Variants in TARDBP observed in about 807,000 individuals in gnomAD.
TARDBP encodes the protein TAR DNA-binding protein 43.
In TARDBP, 4 loss-of-function variants were observed where a neutral mutation model predicts 38.3. The ratio of observed to expected loss-of-function variants is 0.10; its 90% CI spans 0.05 to 0.24. The LOEUF is 0.24. Among genes scored for constraint, TARDBP ranks in the 10% least tolerant of loss-of-function variants. The probability of loss-of-function intolerance (pLI) is 1.00; values close to 1 mark genes in which losing one functional copy is unlikely to be tolerated. For missense variants in TARDBP, 202 were observed against 521.9 expected (o/e 0.39, Z 5.97); for synonymous variants, 184 against 183.8 (o/e 1.00, Z -0.01).
intron 4 of TARDBP, chr1:11,019,300 C>T (rs146052744): frequency 1.7e-4 from 52 of 312,920 alleles, no homozygotes; most frequent in African/African-American, 1.0e-3. Context: ...TTAATTTTCT[C>T]AAATCCAAAC....
intron 3 of TARDBP, among the ~76,000 whole-genome samples, chr1:11,017,500 C>T (rs966720625): frequency 3.9e-5 from 6 of 152,196 alleles, no homozygotes; most frequent in Admixed American, 2.6e-4. Context: ...CGCGCCCGGC[C>T]ACATTCTTGT....
At chr1:11,026,233 C>T (rs1439268942), downstream of TARDBP, 1 of 152,426 alleles carries the variant, frequency 6.6e-6, no homozygotes, top group East Asian at 1.9e-4. Flanking sequence ...TGGCCTGCCA[C>T]CCTCCCTGAA....
intron 1 of TARDBP, among the ~76,000 whole-genome samples, chr1:11,013,361 A>C (rs912053100): frequency 6.6e-6 from 1 of 152,314 alleles, no homozygotes; most frequent in Non-Finnish European, 1.5e-5. Context: ...CTTCAGGATT[A>C]CTTAACGACT....
rs574318935 is a variant in TARDBP, at chr1:11,020,317, A to C, written c.544-112A>C. ...AAAATTAAGGGTACGTCTACTTTTT[A>C]ATGGTTCACTGCTATCCAAGGCGAA... On this transcript the variant is annotated intron_variant, in intron 4 of 5. Coordinates refer to ENST00000240185, the MANE Select transcript of TARDBP (RefSeq NM_007375.4). 8.3e-5 allele frequency: 108 copies of C among 1,296,574 alleles called. 1 individual carries two copies. In the South Asian group the frequency reaches 1.0e-3, roughly 12 times the overall value. The allele number at this position is 1,296,574 out of a possible 1,614,324, so 80.3% of individuals were successfully genotyped here. A position where few individuals can be genotyped will look rare whatever the true frequency, so the allele number is the denominator to read the frequency against.
downstream of TARDBP, chr1:11,030,444 T>G: frequency 3.4e-6 from 2 of 589,342 alleles, no homozygotes; most frequent in Middle Eastern, 4.1e-4. Flanking sequence ...GGAAACCTTT[T>G]AGATGTGTAA....
At chr1:11,014,198 G>T (rs1403520948) in intron 2 of TARDBP, among the ~76,000 whole-genome samples, 1 of 152,174 alleles carries the variant, frequency 6.6e-6, no homozygotes, top group East Asian at 1.9e-4. Context: ...AATAAACTTT[G>T]CCAAGTTGAT....
At position 11,019,855 on chromosome 1, in the gene TARDBP, C is replaced by T. The variant is rs547748328; in HGVS notation, c.544-574C>T. ...TGCTGGGATTACAGGTGTGAGCCAC[C>T]GCACCTGGCCCTTTTTTTTTTTTTT... On this transcript the variant is annotated intron_variant, in intron 4 of 5. Coordinates refer to ENST00000240185, the MANE Select transcript of TARDBP (RefSeq NM_007375.4). 6.6e-5 allele frequency among the ~76,000 whole-genome samples: 10 copies of T among 150,788 alleles called. No individual in the cohort carries two copies. In the East Asian group the frequency reaches 9.8e-4, roughly 15 times the overall value.
rs1405881227 is a variant in TARDBP, at chr1:11,023,151, T to C, written c.*497T>C. The C allele has an allele frequency of 1.9e-5, 29 of 1,547,236 alleles. No individual in the cohort carries two copies. The highest frequency in any genetic ancestry group is 2.2e-5 in the Non-Finnish European group (25 of 1,144,628). On this transcript the variant is annotated 3_prime_UTR_variant, in exon 6 of 6. Coordinates refer to ENST00000240185, the MANE Select transcript of TARDBP (RefSeq NM_007375.4). Reference sequence around the variant, plus strand: ...GTTTTTTAACACTTGTCTCCCCTCATACACAAAAGTACAATATGAAGCCTT... The same window carrying C: ...GTTTTTTAACACTTGTCTCCCCTCACACACAAAAGTACAATATGAAGCCTT...
At chr1:11,014,025 C>T (rs1643466930) in intron 2 of TARDBP, 60 bp downstream of exon 2, 1 of 1,528,872 alleles carries the variant, frequency 6.5e-7, no homozygotes, top group South Asian at 1.1e-5. Context: ...GTGTCTCATC[C>T]ATGGATCTTA....
Position 11,023,087 on chromosome 1 carries a change from A to G in TARDBP, c.*433A>G, listed in dbSNP as rs1643672365. On this transcript the variant is annotated 3_prime_UTR_variant, in exon 6 of 6. Transcript: ENST00000240185. ...TTTTTCCTTAAGAAAATCTCCTTTT[A>G]GGAGATCATGGTGTCACAGTGTTTG... is the stretch of plus-strand genomic sequence containing the variant. 6.7e-7 allele frequency: 1 copy of G among 1,496,924 alleles called. No homozygotes were observed. The highest frequency in any genetic ancestry group is 8.9e-7 in the Non-Finnish European group (1 of 1,119,106). The allele number at this position is 1,496,924 out of a possible 1,614,324, so 92.7% of individuals were successfully genotyped here.
In TARDBP at chr1:11,014,288, T is replaced by G. The variant is rs543258235; in HGVS notation, c.238+323T>G. Reference sequence around the variant, plus strand: ...AGATTCTTCTGAAGTGCTTCAGTGTTTGGATTTGATCATTGTCCTTTTGGT... The same window carrying G: ...AGATTCTTCTGAAGTGCTTCAGTGTGTGGATTTGATCATTGTCCTTTTGGT... On this transcript the variant is annotated intron_variant, in intron 2 of 5. Transcript: ENST00000240185. Among the ~76,000 whole-genome samples, 14 of 152,376 alleles carry G rather than the reference T, an allele frequency of 9.2e-5. No homozygotes were observed. In the East Asian group the frequency reaches 2.3e-3, roughly 25 times the overall value.
At chr1:11,017,815 AGGT>A (rs1385636288) in intron 3 of TARDBP, among the ~76,000 whole-genome samples, 1 of 151,836 alleles carries the variant, frequency 6.6e-6, no homozygotes, top group Non-Finnish European at 1.5e-5. Flanking sequence ...TGGGAGGCTG[AGGT>A]GGGAGGGTTG....
chr1:11,027,426 G>C, downstream of TARDBP: 2 of 1,614,192 alleles, frequency 1.2e-6, no homozygotes, highest in Non-Finnish European at 1.7e-6. Flanking sequence ...TGTATAATGA[G>C]GTGATAGTCT....
At chr1:11,026,885 T>G, downstream of TARDBP, 1 of 1,476,226 alleles carries the variant, frequency 6.8e-7, no homozygotes, top group Non-Finnish European at 9.0e-7. Flanking sequence ...GACACGCAAG[T>G]TAAAAATCAC....
Position 11,022,020 on chromosome 1 carries a change from C to G in TARDBP, c.715-104C>G. 2 of 1,378,266 alleles carry G rather than the reference C, an allele frequency of 1.5e-6. No homozygotes were observed. The highest frequency in any genetic ancestry group is 2.0e-6 in the Non-Finnish European group (2 of 981,432). The allele number at this position is 1,378,266 out of a possible 1,614,324, so 85.4% of individuals were successfully genotyped here. A position where few individuals can be genotyped will look rare whatever the true frequency, so the allele number is the denominator to read the frequency against. Reference sequence around the variant, plus strand: ...TGAGTGTTCATTGCTTATTTTTCCTCTGGCTTTAGATAAATTAATGCTTGT... The same window carrying G: ...TGAGTGTTCATTGCTTATTTTTCCTGTGGCTTTAGATAAATTAATGCTTGT... On this transcript the variant is annotated intron_variant, in intron 5 of 5. Coordinates refer to ENST00000240185, the MANE Select transcript of TARDBP (RefSeq NM_007375.4). This position sits in a 1 kb window ranked among gnomAD's most constrained non-coding sequence, Gnocchi z 4.5.
chr1:11,016,707 T>C (rs1643532302), intron 2 of TARDBP, 137 bp from the exon 3 acceptor site: 1 of 858,610 alleles, frequency 1.2e-6, no homozygotes, highest in South Asian at 1.7e-5. Flanking sequence ...AGAGCAAACA[T>C]CACTTCTTGC....
At position 11,023,432 on chromosome 1, in the gene TARDBP, GAA is replaced by G; in HGVS notation, c.*780_*781del. On this transcript the variant is annotated 3_prime_UTR_variant, in exon 6 of 6. Coordinates refer to ENST00000240185, the MANE Select transcript of TARDBP (RefSeq NM_007375.4). ...GAACCAGAAGGCTGTCTGAACTTTT[GAA>G]ACCTTGTGTGGGATTGATGGTGGTG... is the stretch of plus-strand genomic sequence containing the variant. The G allele has an allele frequency of 1.5e-6, 1 of 672,022 alleles. No individual in the cohort carries two copies. Among genetic ancestry groups the G allele is most frequent in the South Asian group, 2.1e-5 (1 of 47,566 alleles). 41.6% of individuals were successfully genotyped at this position (672,022 alleles called of 1,614,324 possible).
chr1:11,026,877 C>T (rs748635006), downstream of TARDBP: 3 of 1,473,820 alleles, frequency 2.0e-6, no homozygotes, highest in Admixed American at 7.9e-5. Flanking sequence ...TGACTGCAGA[C>T]ACGCAAGTTA....
intron 3 of TARDBP, 199 bp from the exon 4 acceptor site, chr1:11,018,534 G>T: frequency 1.4e-6 from 1 of 693,882 alleles, no homozygotes; most frequent in Non-Finnish European, 2.4e-6. Flanking sequence ...TGTTGTATAA[G>T]TGAGTTTTGC....
Sources: gnomAD v4.1 joint callset for allele counts (sites outside exome capture counted in the v4.1 genomes callset) on GRCh38, gnomAD v4.1.1 for gene constraint, Gnocchi (gnomAD v3.1) non-coding constraint, MANE v1.5 for transcripts, NCBI Gene and HGNC (gene_info 2026-07-23, HGNC 2026-07-21) for gene names.